Variants in VCPIP1 observed in about 807,000 individuals in gnomAD.
VCPIP1 encodes deubiquitinating protein VCPIP1.
Under a neutral mutation model 85.0 loss-of-function variants are expected in VCPIP1, and 8 were observed. That is an observed-to-expected ratio of 0.09 (90% CI 0.06 to 0.17). The LOEUF is 0.17. VCPIP1 is among the 10% of genes least tolerant of loss of function. VCPIP1 has a pLI of 1.00. For synonymous variants in VCPIP1, 543 were observed against 544.5 expected (o/e 1.00, Z 0.04); for missense variants, 1,070 against 1,486.3 (o/e 0.72, Z 4.61).
intron 1 of VCPIP1, among the ~76,000 whole-genome samples, chr8:66,660,029 A>G (rs11986831): frequency 0.09 from 13,727 of 152,234 alleles, 1,287 homozygotes; most frequent in African/African-American, 0.23. Flanking sequence ...TATAATTTTT[A>G]TGTATTTAGA....
chr8:66,639,887 G>A (rs1810930557), intron 2 of VCPIP1, among the ~76,000 whole-genome samples: 2 of 152,130 alleles, frequency 1.3e-5, no homozygotes, highest in South Asian at 4.1e-4. Context: ...AATAATAAAT[G>A]GGAGCTACAT....
intron 1 of VCPIP1, among the ~76,000 whole-genome samples, chr8:66,659,307 A>G (rs1811133134): frequency 6.6e-6 from 1 of 151,990 alleles, no homozygotes; most frequent in Non-Finnish European, 1.5e-5. Flanking sequence ...AATCTGAATG[A>G]CATATTTTGC....
At chr8:66,645,659 C>T (rs1250359471) in intron 2 of VCPIP1, among the ~76,000 whole-genome samples, 5 of 150,242 alleles carry the variant, frequency 3.3e-5, no homozygotes, top group African/African-American at 9.9e-5. Context: ...CAGTGGCTCA[C>T]GCCTGTATCT....
At chr8:66,656,036 T>C (rs563813999) in intron 1 of VCPIP1, among the ~76,000 whole-genome samples, 16 of 152,126 alleles carry the variant, frequency 1.1e-4, no homozygotes, top group Non-Finnish European at 2.4e-4. Context: ...ATTTTTTTCC[T>C]ATTTGATGTG....
chr8:66,635,211 G>C lies in VCPIP1; in HGVS notation c.2959C>G (p.Arg987Gly). The C allele has an allele frequency of 1.2e-6, 2 of 1,614,098 alleles. No individual in the cohort carries two copies. Among genetic ancestry groups the C allele is most frequent in the South Asian group, 1.1e-5 (1 of 91,084 alleles). The change falls in exon 3 of 3, where the codon CGA becomes GGA. Residue 987 changes from arginine to glycine, a missense_variant. Transcript: ENST00000310421. ...CTACTTCTTGTAGTAGCCTCTGCTC[G>C]AACCTGACTTACAGCCTCTTTAACT... ...DLVKEAVSQV[R>G]AEATTRSRES...
rs748676130 is a variant in VCPIP1 at position 66,666,149 on chromosome 8, G to A, written c.810C>T (p.Ile270=). 1 of 1,614,190 alleles carries A rather than the reference G, an allele frequency of 6.2e-7. No individual in the cohort carries two copies. Among genetic ancestry groups the A allele is most frequent in the Non-Finnish European group, 8.5e-7 (1 of 1,180,042 alleles). The change falls in exon 1 of 3, where the codon ATC becomes ATT. Residue 270 remains isoleucine, a synonymous_variant. Transcript: ENST00000310421. The surrounding 1 kb of genome is among the most constrained non-coding windows in gnomAD (Gnocchi z 6.3). ...GTACAAACAGAGGGTCACACTCATT[G>A]ATAATGTCCTCCCACTCAGCAGCAT... ...FIDAAEWEDI[I]NECDPLFVPP...
chr8:66,663,875 A>G (rs1045038099), intron 1 of VCPIP1, among the ~76,000 whole-genome samples: 7 of 152,178 alleles, frequency 4.6e-5, no homozygotes, highest in African/African-American at 1.7e-4. Context: ...CACATGACAT[A>G]CAGGAAAATA....
chr8:66,641,380 T>C (rs1810946164), intron 2 of VCPIP1, among the ~76,000 whole-genome samples: 1 of 152,200 alleles, frequency 6.6e-6, no homozygotes, highest in South Asian at 2.1e-4. Flanking sequence ...TATATAGTTT[T>C]TTTTTTTAGA....
chr8:66,641,452 T>C lies in VCPIP1; in HGVS notation c.2798-6080A>G, dbSNP rs116241688. On this transcript the variant is annotated intron_variant, in intron 2 of 2. Transcript: ENST00000310421. ...GTAGTGCAATCATAGCTCACTGCGA[T>C]CTGGGTTCAACAGATCCTTCCACCT... Among the ~76,000 whole-genome samples, 1,182 of 152,220 alleles carry C rather than the reference T, an allele frequency of 7.8e-3. 13 individuals carry two copies. Among genetic ancestry groups the C allele is most frequent in the African/African-American group, 0.027 (1,118 of 41,530 alleles).
At chr8:66,663,061 C>T (rs1243573970) in intron 1 of VCPIP1, among the ~76,000 whole-genome samples, 9 of 146,778 alleles carry the variant, frequency 6.1e-5, no homozygotes, top group Non-Finnish European at 1.0e-4. Flanking sequence ...GCCGAGATGG[C>T]GCCACTGCAC....
chr8:66,649,907 C>A (rs928639106), intron 2 of VCPIP1, among the ~76,000 whole-genome samples: 40 of 151,854 alleles, frequency 2.6e-4, no homozygotes, highest in African/African-American at 9.7e-4. Context: ...AGAAAAAAAA[C>A]AAGGCTTTTT....
chr8:66,635,405 A>G (rs749427130), intron 2 of VCPIP1, 33 bp from the exon 3 acceptor site: 1 of 1,542,210 alleles, frequency 6.5e-7, no homozygotes, highest in East Asian at 2.3e-5. Context: ...AACATATTAA[A>G]ATCTTAAGGT....
rs1209183913 is a variant in VCPIP1 at position 66,634,824 on chromosome 8, T to G, written c.3346A>C (p.Ile1116Leu). The stretch of plus-strand genomic sequence containing the variant: ...AGGTGCCTGTCCATTGAAGCCTGAA[T>G]AGAAGAAACCATTTCCTGCAATTTT... ...RKKLQEMVSS[I>L]QASMDRHLRD... The change falls in exon 3 of 3, where the codon ATT becomes CTT. Residue 1116 changes from isoleucine (I) to leucine (L), a missense_variant. Ile to Leu is a conservative substitution (Grantham distance 5, BLOSUM62 2). Around this residue, in one of 8 missense-constraint regions of VCPIP1, gnomAD observed 255 missense variants for 289.5 expected, o/e 0.88. Transcript: ENST00000310421. The G allele has an allele frequency of 2.5e-6, 4 of 1,614,228 alleles. No individual in the cohort carries two copies. The highest frequency in any genetic ancestry group is 3.4e-6 in the Non-Finnish European group (4 of 1,180,052).
intron 1 of VCPIP1, among the ~76,000 whole-genome samples, chr8:66,661,266 T>C (rs1811153980): frequency 6.6e-6 from 1 of 152,190 alleles, no homozygotes; most frequent in African/African-American, 2.4e-5. Flanking sequence ...TGTGGGTTTA[T>C]ACAGGCATAA....
chr8:66,639,038 A>C (rs1345024669), intron 2 of VCPIP1, among the ~76,000 whole-genome samples: 2 of 150,430 alleles, frequency 1.3e-5, no homozygotes, highest in African/African-American at 2.5e-5. Flanking sequence ...GCTGGAGTAC[A>C]GTGGTGTGTG....
rs1224458979 is a variant in VCPIP1 at position 66,664,815 on chromosome 8, G to A, written c.2144C>T (p.Thr715Ile). ...CTGTTCCGTAATATTCTGTTGAATA[G>A]TTCTTTCAGTTTTACTCATGTTTAA... Reference protein sequence around the residue: ...EELNMSKTERTIQQNITEQAS... With the variant: ...EELNMSKTERIIQQNITEQAS... Residue 715 changes from threonine (T) to isoleucine (I), a missense_variant, in exon 1 of 3, where the codon ACT becomes ATT. Thr to Ile is a moderately conservative substitution (Grantham distance 89, BLOSUM62 -1). Transcript: ENST00000310421. 5.0e-6 allele frequency: 8 copies of A among 1,612,810 alleles called. No homozygotes were observed. In the Admixed American group the frequency reaches 1.3e-4, roughly 27 times the overall value.
chr8:66,639,515 C>T (rs1033235214), intron 2 of VCPIP1, among the ~76,000 whole-genome samples: 2 of 150,918 alleles, frequency 1.3e-5, no homozygotes, highest in African/African-American at 4.9e-5. Flanking sequence ...CCACCATACA[C>T]AACAAATTTT....
Position 66,664,236 on chromosome 8 carries a change from AAATTC to A in VCPIP1, c.2710+8_2710+12del. ...ACAATTAAGATATACCATCAGAATT[AAATTC>A]ATCTTACCCATTAATGTTGCTAAAA... On this transcript the variant is annotated splice_region_variant and intron_variant, in intron 1 of 2. Coordinates refer to ENST00000310421, the MANE Select transcript of VCPIP1 (RefSeq NM_025054.5). 1 of 1,534,350 alleles carries A rather than the reference AAATTC, an allele frequency of 6.5e-7. No individual in the cohort carries two copies. Among genetic ancestry groups the A allele is most frequent in the Non-Finnish European group, 8.8e-7 (1 of 1,139,578 alleles).
At position 66,654,315 on chromosome 8, in the gene VCPIP1, A is replaced by C. The variant is rs143957539; in HGVS notation, c.2711-2771T>G. ...ACAAGGTGAAACTCCGTCTCTACTA[A>C]AAATACAAAAATTAGCCAGGCGTGG... On this transcript the variant is annotated intron_variant, in intron 1 of 2. Coordinates refer to ENST00000310421, the MANE Select transcript of VCPIP1 (RefSeq NM_025054.5). Among the ~76,000 whole-genome samples the C allele has an allele frequency of 7.4e-3, 1,130 of 152,352 alleles. 12 individuals are homozygous for C. The highest frequency in any genetic ancestry group is 0.023 in the African/African-American group (973 of 41,584).
Sources: allele counts gnomAD v4.1 joint callset (sites outside exome capture counted in the v4.1 genomes callset), GRCh38; gene constraint gnomAD v4.1.1; regional missense constraint gnomAD v4.1.1; non-coding constraint Gnocchi (gnomAD v3.1); transcripts MANE v1.5; gene names NCBI Gene and HGNC (gene_info 2026-07-23, HGNC 2026-07-21).